Variants in SPATS1 observed in about 807,000 individuals in gnomAD.
SPATS1 encodes spermatogenesis associated serine rich 1, also known as spermatogenesis-associated serine-rich protein 1.
A neutral mutation model predicts 33.6 loss-of-function variants in SPATS1; 23 were observed. The ratio of observed to expected loss-of-function variants is 0.68; its 90% CI spans 0.49 to 0.97. SPATS1 has a LOEUF of 0.97. Among genes scored for constraint, SPATS1 ranks in the 50% least tolerant of loss-of-function variants. SPATS1 has a pLI of 0.00. For missense variants in SPATS1, 327 were observed against 361.0 expected, an observed-to-expected ratio of 0.91 and a Z score of 0.76; for synonymous variants, 131 against 125.6, an observed-to-expected ratio of 1.04 and a Z score of -0.29.
chr6:44,355,308 C>A (rs1226540133), intron 3 of SPATS1, among the ~76,000 whole-genome samples: 1 of 152,134 alleles, frequency 6.6e-6, no homozygotes, highest in African/African-American at 2.4e-5. Context: ...ATTTAAGTTG[C>A]CTTCATGTCA....
chr6:44,368,427 C>T lies in SPATS1; in HGVS notation c.623C>T (p.Pro208Leu). 1 of 1,613,614 alleles carries T rather than the reference C, an allele frequency of 6.2e-7. No homozygotes were observed. The highest frequency in any genetic ancestry group is 8.5e-7 in the Non-Finnish European group (1 of 1,179,782). The change falls in exon 6 of 9, where the codon CCA becomes CTA. Residue 208 changes from proline to leucine, a missense_variant. Physicochemically the swap from Pro to Leu is moderately conservative, Grantham distance 98. Coordinates refer to ENST00000674044, the MANE Select transcript of SPATS1 (RefSeq NM_001372081.1). ...GIPKLTPGDNPYMYPEQSKGF... is the reference protein window; with the variant it reads ...GIPKLTPGDNLYMYPEQSKGF... ...CCAAAGTTAACTCCAGGCGACAATCCATATATGTACCCAGAACAGAGTAAA... is the reference window on the plus strand; with the variant it reads ...CCAAAGTTAACTCCAGGCGACAATCTATATATGTACCCAGAACAGAGTAAA...
intron 2 of SPATS1, among the ~76,000 whole-genome samples, chr6:44,351,551 G>A (rs1287645690): frequency 2.0e-5 from 3 of 152,126 alleles, no homozygotes; most frequent in South Asian, 2.1e-4. Flanking sequence ...AGTGCTCTAC[G>A]AAATTATGCA....
intron 2 of SPATS1, among the ~76,000 whole-genome samples, chr6:44,352,088 T>C (rs1025847879): frequency 6.6e-6 from 1 of 152,182 alleles, no homozygotes; most frequent in Non-Finnish European, 1.5e-5. Context: ...TCTCAGGCTT[T>C]AGTGTCACAA....
chr6:44,346,396 C>T (rs1787886160), intron 2 of SPATS1, among the ~76,000 whole-genome samples: 1 of 151,974 alleles, frequency 6.6e-6, no homozygotes, highest in South Asian at 2.1e-4. Flanking sequence ...TTTATTTTAT[C>T]TTATTCTGAG....
At chr6:44,360,314 T>C in intron 3 of SPATS1, 132 bp from the exon 4 acceptor site, 6 of 1,117,586 alleles carry the variant, frequency 5.4e-6, no homozygotes, top group Non-Finnish European at 7.6e-6. Context: ...AAATAAATGA[T>C]ATGCTCAAGG....
chr6:44,364,788 C>CTCTT (rs3083980), intron 5 of SPATS1, among the ~76,000 whole-genome samples: 16,292 of 143,552 alleles, frequency 0.11, 2,399 homozygotes, highest in African/African-American at 0.35. Flanking sequence ...CTTTTCTTTT[C>CTCTT]TCTTTCTTTC....
Position 44,368,498 on chromosome 6 carries a change from A to G in SPATS1, c.694A>G (p.Ile232Val), listed in dbSNP as rs768804169. 6 of 1,610,592 alleles carry G rather than the reference A, an allele frequency of 3.7e-6. No homozygotes were observed. Among genetic ancestry groups the G allele is most frequent in the Non-Finnish European group, 5.1e-6 (6 of 1,178,022 alleles). ...GSMLPPVNFS[I>V]VPYEKKFDTF... ...AATGCTCCCACCAGTGAATTTTTCA[A>G]TGTAAGTGTATGTTAATACTAGCAT... is the stretch of plus-strand genomic sequence containing the variant. The change falls in exon 6 of 9, where the codon ATA becomes GTA. Residue 232 changes from isoleucine (I) to valine (V), a missense_variant and splice_region_variant. Ile to Val is a conservative substitution (Grantham distance 29, BLOSUM62 3). Coordinates refer to ENST00000674044, the MANE Select transcript of SPATS1 (RefSeq NM_001372081.1).
chr6:44,369,268 C>A (rs368462712), intron 6 of SPATS1, among the ~76,000 whole-genome samples: 1 of 152,078 alleles, frequency 6.6e-6, no homozygotes, highest in Non-Finnish European at 1.5e-5. Context: ...GTGGGCCGGG[C>A]GCGGTGGCTC....
chr6:44,347,935 A>C (rs1354983883), intron 2 of SPATS1, among the ~76,000 whole-genome samples: 3 of 151,972 alleles, frequency 2.0e-5, no homozygotes, highest in Non-Finnish European at 4.4e-5. Context: ...TCTGGAGCTT[A>C]ATTTCTTTAT....
intron 2 of SPATS1, among the ~76,000 whole-genome samples, chr6:44,346,939 G>A (rs535173597): frequency 3.2e-4 from 49 of 152,168 alleles, no homozygotes; most frequent in Non-Finnish European, 5.4e-4. Flanking sequence ...TGTTTATTGC[G>A]GCACTGTTCA....
At position 44,376,515 on chromosome 6, in the gene SPATS1, G is replaced by A. The variant is rs1208678003; in HGVS notation, c.874+42G>A. The A allele has an allele frequency of 2.8e-6, 4 of 1,412,188 alleles. No individual in the cohort carries two copies. In the African/African-American group the frequency reaches 5.7e-5, roughly 20 times the overall value. 87.5% of individuals were successfully genotyped at this position (1,412,188 alleles called of 1,614,324 possible). On this transcript the variant is annotated intron_variant, in intron 8 of 8. Coordinates refer to ENST00000674044, the MANE Select transcript of SPATS1 (RefSeq NM_001372081.1). ...TCAAAGAATAGTGTAAAAACTGGAG[G>A]AGTCCGCCGGGTATGGTGGCTCACT... is the stretch of plus-strand genomic sequence containing the variant.
At chr6:44,374,144 A>ATCC (rs1365189146) in intron 7 of SPATS1, among the ~76,000 whole-genome samples, 31 of 152,336 alleles carry the variant, frequency 2.0e-4, no homozygotes, top group African/African-American at 7.5e-4. Context: ...ATATTAGGTC[A>ATCC]CTTAATATTT....
chr6:44,348,019 T>C (rs1170487765), intron 2 of SPATS1, among the ~76,000 whole-genome samples: 1 of 151,902 alleles, frequency 6.6e-6, no homozygotes, highest in African/African-American at 2.4e-5. Context: ...TTTTTGTTTT[T>C]TTTTTGGGAT....
chr6:44,379,444 A>G lies in SPATS1; in HGVS notation c.*2381A>G, dbSNP rs998257160. Among the ~76,000 whole-genome samples, 3 of 151,876 alleles carry G rather than the reference A, an allele frequency of 2.0e-5. No homozygotes were observed. The highest frequency in any genetic ancestry group is 4.4e-5 in the Non-Finnish European group (3 of 67,960). On this transcript the variant is annotated 3_prime_UTR_variant, in exon 9 of 9. Transcript: ENST00000674044. ...TCTCTATTAAAAACACAAAAAAATT[A>G]GCCAGGCATGGTGGTGGGCACCTAT...
rs80305324 is a variant in SPATS1, at chr6:44,343,949, T to C, written c.139+715T>C. On this transcript the variant is annotated intron_variant, in intron 2 of 8. Transcript: ENST00000674044. ...GCTTTCTCCCTGGTCTTCTGTATTCTGGGTGTGTGATCTCCTCATTCTCCT... is the reference window on the plus strand; with the variant it reads ...GCTTTCTCCCTGGTCTTCTGTATTCCGGGTGTGTGATCTCCTCATTCTCCT... Among the ~76,000 whole-genome samples, 73 of 152,300 alleles carry C rather than the reference T, an allele frequency of 4.8e-4. No homozygotes were observed. In the East Asian group the frequency reaches 0.013, roughly 27 times the overall value.
At chr6:44,361,274 C>T (rs1289665360) in intron 4 of SPATS1, 1 of 903,130 alleles carries the variant, frequency 1.1e-6, no homozygotes, top group Non-Finnish European at 1.3e-6. Flanking sequence ...GATGATGAAA[C>T]AAAGGCACTG....
intron 7 of SPATS1, among the ~76,000 whole-genome samples, chr6:44,374,573 A>G (rs752844180): frequency 3.9e-5 from 6 of 152,046 alleles, no homozygotes; most frequent in Non-Finnish European, 7.4e-5. Context: ...GCTTGAAAAT[A>G]TTTTCTTTAA....
At position 44,343,165 on chromosome 6, in the gene SPATS1, T is replaced by A; in HGVS notation, c.70T>A (p.Cys24Ser). 6.2e-7 allele frequency: 1 copy of A among 1,613,950 alleles called. No individual in the cohort carries two copies. Among genetic ancestry groups the A allele is most frequent in the Non-Finnish European group, 8.5e-7 (1 of 1,179,964 alleles). Residue 24 changes from cysteine to serine, a missense_variant, in exon 2 of 9, where the codon TGC (cysteine) becomes AGC (serine). By Grantham distance (112) the Cys-to-Ser change is moderately radical. Transcript: ENST00000674044. ...TCTCCCCTCCATCTCAAGCACGACC[T>A]GCGGCAGACAGCTGGAGAAGGTTCC... ...CRLPSISSTT[C>S]GRQLEKVPEK...
intron 2 of SPATS1, among the ~76,000 whole-genome samples, chr6:44,347,700 A>T (rs962394656): frequency 6.6e-6 from 1 of 152,170 alleles, no homozygotes; most frequent in African/African-American, 2.4e-5. Context: ...CAAATGGTTA[A>T]TTAGTTGTTC....
Sources: gnomAD v4.1 joint callset for allele counts (sites outside exome capture counted in the v4.1 genomes callset) on GRCh38, gnomAD v4.1.1 for gene constraint, MANE v1.5 for transcripts, NCBI Gene and HGNC (gene_info 2026-07-23, HGNC 2026-07-21) for gene names.